Variants in ZNF696 observed in about 807,000 individuals in gnomAD.
ZNF696 encodes zinc finger protein 696.
ZNF696 carries 10 observed loss-of-function variants against 12.3 expected under a neutral mutation model. The observed-to-expected ratio is 0.81, with a 90% CI of 0.50 to 1.38. The LOEUF (loss-of-function observed/expected upper bound fraction) is 1.38. Ranked by LOEUF, ZNF696 falls within the 40% of genes most tolerant of loss-of-function variation. The probability of loss-of-function intolerance (pLI) is 0.00; values close to 1 mark genes in which losing one functional copy is unlikely to be tolerated. For missense variants in ZNF696, 675 were observed against 554.7 expected (o/e 1.22, Z -2.18); for synonymous variants, 304 against 243.9 (o/e 1.25, Z -2.29).
rs1045073543 is a variant in ZNF696, at chr8:143,298,962, C to T, written c.*2162C>T. ...ATCACCTGAGGTCAGGAGTTTGAGA[C>T]CACCCTGGCCAACATGGCAAAACCC... On this transcript the variant is annotated 3_prime_UTR_variant, in exon 3 of 3. Coordinates refer to ENST00000330143, the MANE Select transcript of ZNF696 (RefSeq NM_030895.3). Among the ~76,000 whole-genome samples, 1 of 152,068 alleles carries T rather than the reference C, an allele frequency of 6.6e-6. No individual in the cohort carries two copies. Among genetic ancestry groups the T allele is most frequent in the East Asian group, 1.9e-4 (1 of 5,196 alleles).
chr8:143,292,726 G>A (rs1815647830), intron 1 of ZNF696, among the ~76,000 whole-genome samples: 1 of 152,224 alleles, frequency 6.6e-6, no homozygotes, highest in East Asian at 1.9e-4. Context: ...AGCCCTGGGT[G>A]GAGGGGGACC....
In ZNF696 at chr8:143,291,592, G is replaced by T. The variant is rs13251204; in HGVS notation, c.-206G>T. On this transcript the variant is annotated 5_prime_UTR_variant, in exon 1 of 3. Coordinates refer to ENST00000330143, the MANE Select transcript of ZNF696 (RefSeq NM_030895.3). ...CCCCAGCCGCTCTCGGGCGCGGCGT[G>T]GGGGAGGCGGCCCTGCAGGTGCGTA... is the stretch of plus-strand genomic sequence containing the variant. 3 of 985,322 alleles carry T rather than the reference G, an allele frequency of 3.0e-6. No individual in the cohort carries two copies. The highest frequency in any genetic ancestry group is 1.7e-5 in the African/African-American group (1 of 57,244). The allele number at this position is 985,322 out of a possible 1,614,324, so 61.0% of individuals were successfully genotyped here. A position where few individuals can be genotyped will look rare whatever the true frequency, so the allele number is the denominator to read the frequency against.
In ZNF696 at chr8:143,291,546, G is replaced by C. The variant is rs1369618262; in HGVS notation, c.-252G>C. The C allele has an allele frequency of 1.0e-6, 1 of 984,222 alleles. No individual in the cohort carries two copies. Among genetic ancestry groups the C allele is most frequent in the Admixed American group, 6.2e-5 (1 of 16,260 alleles). The allele number at this position is 984,222 out of a possible 1,614,324, so 61.0% of individuals were successfully genotyped here. A position where few individuals can be genotyped will look rare whatever the true frequency, so the allele number is the denominator to read the frequency against. ...ACCGCCGCCGTGGCCCGCGCGTCCC[G>C]CGCTCTCCTTGCAGTGCAGGCCCCA... On this transcript the variant is annotated 5_prime_UTR_variant, in exon 1 of 3. Coordinates refer to ENST00000330143, the MANE Select transcript of ZNF696 (RefSeq NM_030895.3).
Position 143,291,523 on chromosome 8 carries a change from C to CGCCGCCGTG in ZNF696, c.-271_-263dup, listed in dbSNP as rs1815624214. 2.1e-5 allele frequency: 21 copies of CGCCGCCGTG among 984,510 alleles called. No homozygotes were observed. Among genetic ancestry groups the CGCCGCCGTG allele is most frequent in the Non-Finnish European group, 2.5e-5 (21 of 829,116 alleles). The allele number at this position is 984,510 out of a possible 1,614,324, so 61.0% of individuals were successfully genotyped here. ...GCGGCCGAGAGAACGGGGCGGTCAC[C>CGCCGCCGTG]GCCGCCGTGGCCCGCGCGTCCCGCG... On this transcript the variant is annotated 5_prime_UTR_variant, in exon 1 of 3. Transcript: ENST00000330143.
chr8:143,293,245 T>C (rs1428559191), intron 2 of ZNF696, 180 bp downstream of exon 2: 1 of 600,498 alleles, frequency 1.7e-6, no homozygotes. Flanking sequence ...TTGGTGACTG[T>C]CTTTGCCAGT....
Position 143,295,723 on chromosome 8 carries a change from T to C in ZNF696, c.65-17T>C. On this transcript the variant is annotated splice_polypyrimidine_tract_variant and intron_variant, in intron 2 of 2. Transcript: ENST00000330143. ...TCTCTTACATCTAAAATCGTTCCTG[T>C]CTGGCCTCTTTTTCAGCTGTGAAGG... The C allele has an allele frequency of 6.4e-7, 1 of 1,555,968 alleles. No individual in the cohort carries two copies.
rs1815727614 is a variant in ZNF696, at chr8:143,296,788, T to C, written c.1113T>C (p.His371=). The C allele has an allele frequency of 9.2e-6, 13 of 1,410,612 alleles. No homozygotes were observed. The highest frequency in any genetic ancestry group is 1.5e-5 in the African/African-American group (1 of 65,968). 87.4% of individuals were successfully genotyped at this position (1,410,612 alleles called of 1,614,324 possible). The change falls in exon 3 of 3, where the codon CAT becomes CAC. Residue 371 remains histidine, a synonymous_variant. Coordinates refer to ENST00000330143, the MANE Select transcript of ZNF696 (RefSeq NM_030895.3). ...ACCTCATCCAGCACCGGCGGGTGCA[T>C]GGCGCCGAGTGAGCCGGGGCTGCGG... The part of the protein sequence containing the change: ...SFHLIQHRRV[H]GAE
chr8:143,296,023 CG>C lies in ZNF696; in HGVS notation c.353del (p.Gly118AlafsTer243), dbSNP rs1231920636. 2 of 1,594,634 alleles carry C rather than the reference CG, an allele frequency of 1.3e-6. No individual in the cohort carries two copies. The highest frequency in any genetic ancestry group is 2.3e-5 in the East Asian group (1 of 44,148). On this transcript the variant is annotated frameshift_variant, in exon 3 of 3. Coordinates refer to ENST00000330143, the MANE Select transcript of ZNF696 (RefSeq NM_030895.3). LOFTEE classifies it low-confidence loss of function (END_TRUNC). ...CGAACGCAGGCCCCGGCGCAGAGGG[CG>C]GGGGCAGCTGGAAGGGGCGGCCTTT... is the stretch of plus-strand genomic sequence containing the variant. ...PPNAGPGAEG[G>X]GSWKGRPFPC...
In ZNF696 at chr8:143,298,689, C is replaced by T. The variant is rs897899941; in HGVS notation, c.*1889C>T. 1.3e-5 allele frequency among the ~76,000 whole-genome samples: 2 copies of T among 152,192 alleles called. No individual in the cohort carries two copies. Among genetic ancestry groups the T allele is most frequent in the South Asian group, 2.1e-4 (1 of 4,832 alleles). On this transcript the variant is annotated 3_prime_UTR_variant, in exon 3 of 3. Coordinates refer to ENST00000330143, the MANE Select transcript of ZNF696 (RefSeq NM_030895.3). ...ATGTGTGAGGTGTTCAAAGAAGTCG[C>T]GCAGTCAGTGATGAGAAAGCTGTAG...
chr8:143,294,915 A>G (rs1384722092), intron 2 of ZNF696, among the ~76,000 whole-genome samples: 1 of 151,926 alleles, frequency 6.6e-6, no homozygotes, highest in Non-Finnish European at 1.5e-5. Flanking sequence ...ACATTGACAC[A>G]CTGTCTCTAC....
chr8:143,291,600 C>T lies in ZNF696; in HGVS notation c.-198C>T, dbSNP rs1401478430. On this transcript the variant is annotated 5_prime_UTR_variant, in exon 1 of 3. Transcript: ENST00000330143. ...GCTCTCGGGCGCGGCGTGGGGGAGG[C>T]GGCCCTGCAGGTGCGTACCCGGGGT... is the stretch of plus-strand genomic sequence containing the variant. The T allele has an allele frequency of 1.1e-5, 11 of 985,446 alleles. No homozygotes were observed. Among genetic ancestry groups the T allele is most frequent in the Non-Finnish European group, 1.3e-5 (11 of 829,930 alleles). The allele number at this position is 985,446 out of a possible 1,614,324, so 61.0% of individuals were successfully genotyped here.
rs1007128618 is a variant in ZNF696, at chr8:143,295,884, C to T, written c.209C>T (p.Ser70Phe). The T allele has an allele frequency of 6.4e-7, 1 of 1,567,090 alleles. No individual in the cohort carries two copies. The highest frequency in any genetic ancestry group is 1.9e-5 in the Admixed American group (1 of 53,168). The change falls in exon 3 of 3, where the codon TCT (serine) becomes TTT (phenylalanine). Residue 70 changes from serine to phenylalanine, a missense_variant. Coordinates refer to ENST00000330143, the MANE Select transcript of ZNF696 (RefSeq NM_030895.3). ...GGGGGGCCTCCCCGGGCGTTGGGGT[C>T]TCTTGGCCTTTGTGAAAACCAGGAA... ...HRGGPPRALG[S>F]LGLCENQEAR...
rs73378296 is a variant in ZNF696 at position 143,295,590 on chromosome 8, G to A, written c.65-150G>A. 451 of 886,992 alleles carry A rather than the reference G, an allele frequency of 5.1e-4. 1 individual carries two copies. The highest frequency in any genetic ancestry group is 2.9e-3 in the Middle Eastern group (9 of 3,134). 54.9% of individuals were successfully genotyped at this position (886,992 alleles called of 1,614,324 possible). ...GGAGGAGAAAAAAACTAAAAAAAAC[G>A]AGGCGGGAACTGAATGGGCAAAATC... On this transcript the variant is annotated intron_variant, in intron 2 of 2. Transcript: ENST00000330143.
Position 143,297,054 on chromosome 8 carries a change from G to T in ZNF696, c.*254G>T, listed in dbSNP as rs1815733624. The T allele has an allele frequency of 2.6e-6, 1 of 388,740 alleles. No individual in the cohort carries two copies. The highest frequency in any genetic ancestry group is 4.6e-5 in the Admixed American group (1 of 21,630). 24.1% of individuals were successfully genotyped at this position (388,740 alleles called of 1,614,324 possible). A position where few individuals can be genotyped will look rare whatever the true frequency, so the allele number is the denominator to read the frequency against. ...CGGGGAGGTCTCAGGGGTCTGTCCCGGGCCGGCCGCCCGCCTCTGAGACTC... is the reference window on the plus strand; with the variant it reads ...CGGGGAGGTCTCAGGGGTCTGTCCCTGGCCGGCCGCCCGCCTCTGAGACTC... On this transcript the variant is annotated 3_prime_UTR_variant, in exon 3 of 3. Coordinates refer to ENST00000330143, the MANE Select transcript of ZNF696 (RefSeq NM_030895.3).
Position 143,296,933 on chromosome 8 carries a change from C to G in ZNF696, c.*133C>G. 1 of 841,260 alleles carries G rather than the reference C, an allele frequency of 1.2e-6. No individual in the cohort carries two copies. Among genetic ancestry groups the G allele is most frequent in the East Asian group, 3.4e-5 (1 of 29,016 alleles). 52.1% of individuals were successfully genotyped at this position (841,260 alleles called of 1,614,324 possible). On this transcript the variant is annotated 3_prime_UTR_variant, in exon 3 of 3. Coordinates refer to ENST00000330143, the MANE Select transcript of ZNF696 (RefSeq NM_030895.3). ...GCGCCTGGTTCTCGGGTTGCGAAAG[C>G]CTCGCCAGGCCTGCATCCGCCTTGG... is the stretch of plus-strand genomic sequence containing the variant.
intron 2 of ZNF696, among the ~76,000 whole-genome samples, chr8:143,293,984 T>C (rs1815666879): frequency 6.6e-6 from 1 of 152,134 alleles, no homozygotes; most frequent in African/African-American, 2.4e-5. Flanking sequence ...TCCACATTCT[T>C]GAGAGGTGCA....
Position 143,296,848 on chromosome 8 carries a change from C to G in ZNF696, c.*48C>G. On this transcript the variant is annotated 3_prime_UTR_variant, in exon 3 of 3. Transcript: ENST00000330143. ...TGCCGGCGGCCTGGTGGGCGCGAGG[C>G]CGAGGCCGGGGGAGGCTCCTGTCCG... The G allele has an allele frequency of 7.4e-7, 1 of 1,360,390 alleles. No individual in the cohort carries two copies. Among genetic ancestry groups the G allele is most frequent in the Non-Finnish European group, 9.4e-7 (1 of 1,060,448 alleles). 84.3% of individuals were successfully genotyped at this position (1,360,390 alleles called of 1,614,324 possible).
At position 143,295,761 on chromosome 8, in the gene ZNF696, C is replaced by T. The variant is rs1192445052; in HGVS notation, c.86C>T (p.Ala29Val). The T allele has an allele frequency of 1.2e-6, 2 of 1,600,548 alleles. No individual in the cohort carries two copies. Among genetic ancestry groups the T allele is most frequent in the South Asian group, 1.1e-5 (1 of 89,452 alleles). Reference protein sequence around the residue: ...SLAAVKAAFLAQAPSGSRSAE... With the variant: ...SLAAVKAAFLVQAPSGSRSAE... ...TCAGCTGTGAAGGCTGCTTTCCTGGCGCAGGCCCCGAGTGGCAGCCGGTCA... is the reference window on the plus strand; with the variant it reads ...TCAGCTGTGAAGGCTGCTTTCCTGGTGCAGGCCCCGAGTGGCAGCCGGTCA... Residue 29 changes from alanine to valine, a missense_variant, in exon 3 of 3, where the codon GCG becomes GTG. By Grantham distance (64) the Ala-to-Val change is moderately conservative. Transcript: ENST00000330143.
chr8:143,292,900 T>C, intron 1 of ZNF696, 72 bp from the exon 2 acceptor site: 1 of 1,361,618 alleles, frequency 7.3e-7, no homozygotes, highest in South Asian at 1.3e-5. Flanking sequence ...GAAGGCATTC[T>C]GACCTCACTG....
Sources: allele counts gnomAD v4.1 joint callset (sites outside exome capture counted in the v4.1 genomes callset), GRCh38; gene constraint gnomAD v4.1.1; transcripts MANE v1.5; gene names NCBI Gene and HGNC (gene_info 2026-07-23, HGNC 2026-07-21).